The following GPC6 variants were observed in gnomAD, a reference collection of about 807,000 sequenced individuals.
The protein encoded by GPC6 is glypican-6.
Under a neutral mutation model 55.2 loss-of-function variants are expected in GPC6, and 14 were observed. The ratio of observed to expected loss-of-function variants is 0.25; its 90% CI spans 0.17 to 0.40. GPC6 has a LOEUF of 0.40. GPC6 is among the 10% of genes least tolerant of loss of function. GPC6 has a pLI of 1.00. For missense variants in GPC6, 641 were observed against 708.5 expected (o/e 0.90, Z 1.08); for synonymous variants, 278 against 259.6 (o/e 1.07, Z -0.68).
chr13:93,926,079 C>G (rs1877842482), intron 3 of GPC6, among the ~76,000 whole-genome samples: 1 of 152,144 alleles, frequency 6.6e-6, no homozygotes. Context: ...AGCAAGCATT[C>G]CAATAGAGCA....
In GPC6 at chr13:93,614,980, A is replaced by C. The variant is rs151205526; in HGVS notation, c.319+69559A>C. The stretch of plus-strand genomic sequence containing the variant: ...CTATGTACAATTTAATGTATTAGCC[A>C]TCATGATATCATGGGTATGAATAAG... On this transcript the variant is annotated intron_variant, in intron 2 of 8. Coordinates refer to ENST00000377047, the MANE Select transcript of GPC6 (RefSeq NM_005708.5). 5.7e-3 allele frequency among the ~76,000 whole-genome samples: 875 copies of C among 152,190 alleles called. 12 individuals carry two copies. The highest frequency in any genetic ancestry group is 0.02 in the African/African-American group (844 of 41,534).
chr13:93,681,830 T>C (rs1881856009), intron 2 of GPC6, among the ~76,000 whole-genome samples: 1 of 152,220 alleles, frequency 6.6e-6, no homozygotes, highest in African/African-American at 2.4e-5. Flanking sequence ...CTTGTGCTGC[T>C]AACTAGATTA....
chr13:93,804,231 A>C (rs1356737135), intron 2 of GPC6, among the ~76,000 whole-genome samples: 2 of 152,172 alleles, frequency 1.3e-5, no homozygotes, highest in African/African-American at 4.8e-5. Context: ...TTAAGCCTAA[A>C]ATTTTAAATG....
intron 3 of GPC6, among the ~76,000 whole-genome samples, chr13:94,016,425 C>T (rs1882467934): frequency 6.6e-6 from 1 of 152,116 alleles, no homozygotes; most frequent in Non-Finnish European, 1.5e-5. Context: ...TCTCTGAGAA[C>T]CTGTTTTCAA....
chr13:93,286,305 C>A (rs1237853371), intron 1 of GPC6, among the ~76,000 whole-genome samples: 1 of 152,156 alleles, frequency 6.6e-6, no homozygotes, highest in Non-Finnish European at 1.5e-5. Flanking sequence ...TCAGTGATCT[C>A]CACCTGTTCG....
At chr13:94,251,350 A>G (rs1283751849) in intron 4 of GPC6, among the ~76,000 whole-genome samples, 1 of 151,944 alleles carries the variant, frequency 6.6e-6, no homozygotes, top group African/African-American at 2.4e-5. Flanking sequence ...TACTTAATGT[A>G]TGCAAGGCTT....
At chr13:94,190,104 A>G (rs930178948) in intron 4 of GPC6, among the ~76,000 whole-genome samples, 2 of 151,628 alleles carry the variant, frequency 1.3e-5, no homozygotes, top group African/African-American at 2.4e-5. Flanking sequence ...GGGGCAGATC[A>G]CCTGAGCCCA....
intron 1 of GPC6, among the ~76,000 whole-genome samples, chr13:93,324,612 A>ATAT (rs1566299683): frequency 3.3e-5 from 3 of 91,490 alleles, no homozygotes; most frequent in Admixed American, 1.1e-4. Flanking sequence ...ATATATATAT[A>ATAT]AAATCTCTGA....
At chr13:93,414,009 C>A (rs1181258960) in intron 1 of GPC6, among the ~76,000 whole-genome samples, 1 of 152,084 alleles carries the variant, frequency 6.6e-6, no homozygotes, top group Non-Finnish European at 1.5e-5. Context: ...AACTTCCCAC[C>A]AAAAAGAATA....
chr13:94,222,732 C>A (rs1426419591), intron 4 of GPC6, among the ~76,000 whole-genome samples: 1 of 152,090 alleles, frequency 6.6e-6, no homozygotes, highest in African/African-American at 2.4e-5. Flanking sequence ...AGAAAGTTTT[C>A]AAATAAGACA....
At chr13:93,643,209 T>C (rs761032994) in intron 2 of GPC6, among the ~76,000 whole-genome samples, 28 of 152,150 alleles carry the variant, frequency 1.8e-4, no homozygotes, top group Non-Finnish European at 2.8e-4. Flanking sequence ...AATTTCAAAG[T>C]TTCCTAATTG....
chr13:93,805,260 T>A (rs1289673107), intron 2 of GPC6, among the ~76,000 whole-genome samples: 2 of 152,172 alleles, frequency 1.3e-5, no homozygotes. Flanking sequence ...TACTTATAGT[T>A]ATCAATATAA....
At position 94,137,329 on chromosome 13, in the gene GPC6, T is replaced by C. The variant is rs139545530; in HGVS notation, c.877+109435T>C. Among the ~76,000 whole-genome samples, 260 of 152,270 alleles carry C rather than the reference T, an allele frequency of 1.7e-3. 1 individual carries two copies. Among genetic ancestry groups the C allele is most frequent in the African/African-American group, 5.8e-3 (241 of 41,572 alleles). On this transcript the variant is annotated intron_variant, in intron 4 of 8. Transcript: ENST00000377047. ...CTGTGTGGAGACAATCTATTATTGA[T>C]GAGAACAGGGCCCAGGGTGAAATTT...
intron 4 of GPC6, among the ~76,000 whole-genome samples, chr13:94,131,036 T>G (rs930376991): frequency 1.3e-5 from 2 of 152,122 alleles, no homozygotes; most frequent in African/African-American, 4.8e-5. Context: ...CCAATCCAAC[T>G]CCTATAAATA....
At position 94,272,050 on chromosome 13, in the gene GPC6, T is replaced by A. The variant is rs554573458; in HGVS notation, c.878-14299T>A. 5.6e-4 allele frequency among the ~76,000 whole-genome samples: 85 copies of A among 152,236 alleles called. 1 individual carries two copies. The highest frequency in any genetic ancestry group is 1.1e-3 in the Non-Finnish European group (72 of 68,010). ...TTTTTGTTTGTTTTGTTTTTCATTTTGGTTTACCTGGCACTGAGCAATAAA... is the reference window on the plus strand; with the variant it reads ...TTTTTGTTTGTTTTGTTTTTCATTTAGGTTTACCTGGCACTGAGCAATAAA... On this transcript the variant is annotated intron_variant, in intron 4 of 8. Coordinates refer to ENST00000377047, the MANE Select transcript of GPC6 (RefSeq NM_005708.5).
chr13:93,344,021 G>C (rs1251911894), intron 1 of GPC6, among the ~76,000 whole-genome samples: 1 of 152,204 alleles, frequency 6.6e-6, no homozygotes, highest in Non-Finnish European at 1.5e-5. Flanking sequence ...GATGGTGCCA[G>C]TTGGGATTTG....
At chr13:93,650,228 T>C (rs1183749204) in intron 2 of GPC6, among the ~76,000 whole-genome samples, 1 of 152,162 alleles carries the variant, frequency 6.6e-6, no homozygotes, top group Non-Finnish European at 1.5e-5. Context: ...GGTTTAATTT[T>C]CCCAAGTACA....
At chr13:94,289,826 A>G (rs931751352) in intron 5 of GPC6, among the ~76,000 whole-genome samples, 1 of 152,230 alleles carries the variant, frequency 6.6e-6, no homozygotes, top group South Asian at 2.1e-4. Context: ...CTCCATCCTC[A>G]TCTATAAAAT....
intron 4 of GPC6, among the ~76,000 whole-genome samples, chr13:94,125,456 G>A (rs1452337477): frequency 6.6e-6 from 1 of 152,106 alleles, no homozygotes; most frequent in Non-Finnish European, 1.5e-5. Flanking sequence ...TCAGTGAGAA[G>A]CATTCAATTT....
Sources: allele counts gnomAD v4.1 joint callset (sites outside exome capture counted in the v4.1 genomes callset), GRCh38; gene constraint gnomAD v4.1.1; transcripts MANE v1.5; gene names NCBI Gene and HGNC (gene_info 2026-07-23, HGNC 2026-07-21).